Variants in TTPA observed in about 807,000 individuals in gnomAD.
TTPA encodes the protein alpha-tocopherol transfer protein.
Under a neutral mutation model 25.9 loss-of-function variants are expected in TTPA, and 23 were observed. The observed-to-expected ratio is 0.89, with a 90% CI of 0.64 to 1.26. The LOEUF is 1.26. Among genes scored for constraint, TTPA ranks in the 50% most tolerant of loss-of-function variants. The probability of loss-of-function intolerance (pLI) is 0.00; values close to 1 mark genes in which losing one functional copy is unlikely to be tolerated. For missense variants in TTPA, 337 were observed against 353.1 expected (o/e 0.95, Z 0.37); for synonymous variants, 148 against 137.3 (o/e 1.08, Z -0.54).
chr8:63,061,411 C>CAGTTGTT lies in TTPA; in HGVS notation c.677_678insAACAACT (p.Asn227ThrfsTer24). ...GAAGCAAGCTTTGTTTGTAGTTGTT[C>CAGTTGTT]CCATGCATGTGAATCTGAAATAGCC... is the stretch of plus-strand genomic sequence containing the variant. On this transcript the variant is annotated frameshift_variant, in exon 5 of 5. Coordinates refer to ENST00000260116, the MANE Select transcript of TTPA (RefSeq NM_000370.3). LOFTEE classifies it high-confidence loss of function. 1 of 1,613,886 alleles carries CAGTTGTT rather than the reference C, an allele frequency of 6.2e-7. No individual in the cohort carries two copies. The highest frequency in any genetic ancestry group is 8.5e-7 in the Non-Finnish European group (1 of 1,179,932).
At chr8:63,067,426 AT>A (rs1425104651) in intron 2 of TTPA, among the ~76,000 whole-genome samples, 2 of 151,244 alleles carry the variant, frequency 1.3e-5, no homozygotes, top group Non-Finnish European at 2.9e-5. Context: ...AATCATAGCA[AT>A]AGAGAAAAGT....
intron 1 of TTPA, among the ~76,000 whole-genome samples, chr8:63,079,680 G>C (rs1259448062): frequency 6.6e-6 from 1 of 152,126 alleles, no homozygotes; most frequent in Non-Finnish European, 1.5e-5. Context: ...CAAGTCCTTA[G>C]AGACCTACAA....
chr8:63,066,980 TG>T (rs1325876695), intron 2 of TTPA, among the ~76,000 whole-genome samples: 1 of 150,118 alleles, frequency 6.7e-6, no homozygotes, highest in African/African-American at 2.5e-5. Flanking sequence ...GTGGCTGAGG[TG>T]GGGGGAGGGG....
At position 63,085,708 on chromosome 8, in the gene TTPA, G is replaced by A. The variant is rs1208938657; in HGVS notation, c.204+110C>T. 8 of 1,357,238 alleles carry A rather than the reference G, an allele frequency of 5.9e-6. No homozygotes were observed. In the East Asian group the frequency reaches 1.4e-4, roughly 24 times the overall value. The allele number at this position is 1,357,238 out of a possible 1,614,324, so 84.1% of individuals were successfully genotyped here. ...GGTTAGGGGCGCGTTACCCGCCAGG[G>A]TCCTGCCTGCACCCTGGGCTTCGGC... On this transcript the variant is annotated intron_variant, in intron 1 of 4. Transcript: ENST00000260116.
chr8:63,074,361 C>A lies in TTPA; in HGVS notation c.205-1273G>T, dbSNP rs1014360841. Among the ~76,000 whole-genome samples, 3 of 152,190 alleles carry A rather than the reference C, an allele frequency of 2.0e-5. No homozygotes were observed. The South Asian group carries it at 6.2e-4, about 32-fold the overall frequency. The stretch of plus-strand genomic sequence containing the variant: ...ATCTGCATTGCTCTGCTCCCCCTCA[C>A]CCCCATCTCTGATTTATCTCCCTCT... On this transcript the variant is annotated intron_variant, in intron 1 of 4. Transcript: ENST00000260116.
chr8:63,065,528 A>G (rs1805375358), intron 3 of TTPA, among the ~76,000 whole-genome samples: 1 of 146,744 alleles, frequency 6.8e-6, no homozygotes, highest in Non-Finnish European at 1.5e-5. Flanking sequence ...AACCTTTTGG[A>G]AAAAAAAGAT....
At chr8:63,059,284 G>A (rs963275610), downstream of TTPA, among the ~76,000 whole-genome samples, 2 of 151,126 alleles carry the variant, frequency 1.3e-5, no homozygotes, top group Non-Finnish European at 2.9e-5. Context: ...CGCCCGCCTC[G>A]GCCTCCCAAA....
intron 1 of TTPA, among the ~76,000 whole-genome samples, chr8:63,073,980 A>T (rs1204027757): frequency 6.6e-6 from 1 of 152,150 alleles, no homozygotes; most frequent in Non-Finnish European, 1.5e-5. Context: ...TACTAAAGCA[A>T]ATTATGTATT....
chr8:63,079,749 TAGAC>T (rs1256546454), intron 1 of TTPA, among the ~76,000 whole-genome samples: 2 of 152,084 alleles, frequency 1.3e-5, no homozygotes, highest in African/African-American at 4.8e-5. Context: ...CTGTCAATAT[TAGAC>T]AGATCAATGA....
intron 1 of TTPA, among the ~76,000 whole-genome samples, chr8:63,074,366 A>T (rs1160614638): frequency 6.6e-6 from 1 of 152,088 alleles, no homozygotes; most frequent in Non-Finnish European, 1.5e-5. Flanking sequence ...CCTCACCCCC[A>T]TCTCTGATTT....
intron 2 of TTPA, among the ~76,000 whole-genome samples, chr8:63,070,862 C>A (rs1805472201): frequency 6.6e-6 from 1 of 152,062 alleles, no homozygotes. Context: ...TTTCTTGGAT[C>A]CCTGAGTAGA....
intron 2 of TTPA, 74 bp downstream of exon 2, chr8:63,072,857 AAGAG>A (rs1344868120): frequency 1.3e-6 from 2 of 1,530,384 alleles, no homozygotes; most frequent in East Asian, 4.5e-5. Flanking sequence ...AAATGGAAGA[AAGAG>A]AGAAGAGGAG....
At chr8:63,062,344 C>T (rs368848528) in intron 4 of TTPA, among the ~76,000 whole-genome samples, 2 of 152,090 alleles carry the variant, frequency 1.3e-5, no homozygotes, top group East Asian at 3.9e-4. Flanking sequence ...GAACCAAAAG[C>T]ATACCTGCTA....
At chr8:63,075,930 A>G (rs1368955916) in intron 1 of TTPA, among the ~76,000 whole-genome samples, 2 of 152,214 alleles carry the variant, frequency 1.3e-5, no homozygotes, top group Non-Finnish European at 2.9e-5. Flanking sequence ...CACATGGAAC[A>G]AAAGTATAAG....
intron 1 of TTPA, among the ~76,000 whole-genome samples, chr8:63,081,654 A>C (rs997004301): frequency 2.0e-5 from 3 of 152,146 alleles, no homozygotes; most frequent in African/African-American, 7.2e-5. Context: ...CAATCAGGCA[A>C]GAGAAAGAAA....
chr8:63,082,523 T>G (rs558836845), intron 1 of TTPA, among the ~76,000 whole-genome samples: 118 of 152,188 alleles, frequency 7.8e-4, no homozygotes, highest in Non-Finnish European at 1.2e-3. Flanking sequence ...ATGTTAGACC[T>G]AAAACCATAA....
intron 1 of TTPA, among the ~76,000 whole-genome samples, chr8:63,082,492 C>G (rs952700436): frequency 1.3e-5 from 2 of 152,124 alleles, no homozygotes; most frequent in African/African-American, 2.4e-5. Flanking sequence ...AAAATTAATT[C>G]AAGATGGATT....
chr8:63,085,807 C>T lies in TTPA; in HGVS notation c.204+11G>A. 6.5e-7 allele frequency: 1 copy of T among 1,533,606 alleles called. No homozygotes were observed. Among genetic ancestry groups the T allele is most frequent in the Non-Finnish European group, 8.7e-7 (1 of 1,144,674 alleles). The allele number at this position is 1,533,606 out of a possible 1,614,324, so 95.0% of individuals were successfully genotyped here. A position where few individuals can be genotyped will look rare whatever the true frequency, so the allele number is the denominator to read the frequency against. ...TGCGCACTGCCGAGCGCCCTGGGCA[C>T]GCACGCTTACCCGCCAGGCCAGGTC... On this transcript the variant is annotated intron_variant, in intron 1 of 4. Transcript: ENST00000260116.
At chr8:63,076,464 C>G (rs559172249) in intron 1 of TTPA, among the ~76,000 whole-genome samples, 11 of 152,244 alleles carry the variant, frequency 7.2e-5, no homozygotes, top group African/African-American at 2.2e-4. Flanking sequence ...CTTTCCTTTT[C>G]CTTTCCAGTT....
Sources: gnomAD v4.1 joint callset for allele counts (sites outside exome capture counted in the v4.1 genomes callset) on GRCh38, gnomAD v4.1.1 for gene constraint, MANE v1.5 for transcripts, NCBI Gene and HGNC (gene_info 2026-07-23, HGNC 2026-07-21) for gene names.